Variants in BBS5 observed in about 807,000 individuals in gnomAD.
BBS5 encodes the protein Bardet-Biedl syndrome 5.
BBS5 carries 39 observed loss-of-function variants against 50.2 expected under a neutral mutation model. That is an observed-to-expected ratio of 0.78 (90% confidence interval 0.60 to 1.01). The LOEUF is 1.01. Ranked by LOEUF, BBS5 falls within the 50% of genes least tolerant of loss-of-function variation. The pLI is 0.00. For synonymous variants in BBS5, 134 were observed against 133.1 expected (o/e 1.01, Z -0.05); for missense variants, 356 against 401.5 (o/e 0.89, Z 0.97).
At position 169,488,096 on chromosome 2, in the gene BBS5, C is replaced by G; in HGVS notation, c.368C>G (p.Ser123Cys). The G allele has an allele frequency of 6.2e-7, 1 of 1,613,122 alleles. No homozygotes were observed. Among genetic ancestry groups the G allele is most frequent in the Non-Finnish European group, 8.5e-7 (1 of 1,179,332 alleles). ...LVPGSPRLFTSVMAVHRAYET... is the reference protein window; with the variant it reads ...LVPGSPRLFTCVMAVHRAYET... ...CCTGGAAGCCCTAGACTTTTTACTTCTGTGATGGCAGTACACAGGTATAGT... is the reference window on the plus strand; with the variant it reads ...CCTGGAAGCCCTAGACTTTTTACTTGTGTGATGGCAGTACACAGGTATAGT... Residue 123 changes from serine to cysteine, a missense_variant, in exon 5 of 12, where the codon TCT becomes TGT. By Grantham distance (112) the Ser-to-Cys change is moderately radical (BLOSUM62 -1). Transcript: ENST00000295240.
intron 5 of BBS5, among the ~76,000 whole-genome samples, chr2:169,490,529 C>A (rs987442518): frequency 5.9e-5 from 9 of 152,022 alleles, no homozygotes; most frequent in Admixed American, 5.9e-4. Flanking sequence ...AGCTAAATTT[C>A]TTAATTATAC....
At chr2:169,483,172 G>C (rs1683430596) in intron 2 of BBS5, among the ~76,000 whole-genome samples, 1 of 152,134 alleles carries the variant, frequency 6.6e-6, no homozygotes, top group African/African-American at 2.4e-5. Context: ...CTTATTAGCA[G>C]AACATGCTTA....
chr2:169,488,990 T>A (rs1020354701), intron 5 of BBS5, among the ~76,000 whole-genome samples: 16 of 152,196 alleles, frequency 1.1e-4, no homozygotes, highest in Non-Finnish European at 2.1e-4. Context: ...GGCCTTTTTT[T>A]ATTTATTTAT....
chr2:169,495,495 A>G (rs1488005703), intron 7 of BBS5, among the ~76,000 whole-genome samples: 1 of 151,970 alleles, frequency 6.6e-6, no homozygotes, highest in Admixed American at 6.6e-5. Context: ...TCACTGCGGC[A>G]GTCATAGTCT....
At chr2:169,482,750 C>A in intron 2 of BBS5, 1 of 227,038 alleles carries the variant, frequency 4.4e-6, no homozygotes, top group Non-Finnish European at 8.7e-6. Flanking sequence ...GTCACCTAGA[C>A]ATGGATATGC....
chr2:169,488,002 A>G lies in BBS5; in HGVS notation c.274A>G (p.Thr92Ala). 1 of 1,613,824 alleles carries G rather than the reference A, an allele frequency of 6.2e-7. No individual in the cohort carries two copies. The highest frequency in any genetic ancestry group is 8.5e-7 in the Non-Finnish European group (1 of 1,179,846). Residue 92 changes from threonine (T) to alanine (A), a missense_variant, in exon 5 of 12, where the codon ACT becomes GCT. By Grantham distance (58) the Thr-to-Ala change is moderately conservative. Transcript: ENST00000295240. The stretch of plus-strand genomic sequence containing the variant: ...GTCCTTACAGAAATTACGAGGCCAA[A>G]CTGAAGCTCTCTATATACTAACAAA... ...RTANSKLRGQ[T>A]EALYILTKCN...
rs1683865980 is a variant in BBS5 at position 169,504,522 on chromosome 2, T to G, written c.966T>G (p.Leu322=). The part of the protein sequence containing the change: ...REPVFSEELG[L]AIEKLKDGFT... ...CTGTATTTTCAGAAGAACTGGGGCT[T>G]GCAATAGAGAAATTGAAGGATGGAT... Residue 322 remains leucine (L), a synonymous_variant, in exon 12 of 12, where the codon CTT becomes CTG. Transcript: ENST00000295240. 1 of 1,614,080 alleles carries G rather than the reference T, an allele frequency of 6.2e-7. No individual in the cohort carries two copies. The highest frequency in any genetic ancestry group is 2.2e-5 in the East Asian group (1 of 44,858).
At chr2:169,479,676 G>T (rs1432839082) in intron 1 of BBS5, 64 bp downstream of exon 1, 1 of 1,580,830 alleles carries the variant, frequency 6.3e-7, no homozygotes, top group African/African-American at 1.3e-5. Context: ...GCGCGTTAGG[G>T]ACCCGCGGGC....
chr2:169,492,841 TTTGAG>T (rs1156297189), intron 5 of BBS5, 28 bp from the exon 6 acceptor site: 1 of 1,589,494 alleles, frequency 6.3e-7, no homozygotes, highest in Admixed American at 1.7e-5. Flanking sequence ...ACATTTTCAG[TTTGAG>T]TTGTCTTTTG....
chr2:169,499,707 A>C, intron 9 of BBS5, 87 bp downstream of exon 9: 1 of 1,355,528 alleles, frequency 7.4e-7, no homozygotes, highest in African/African-American at 1.4e-5. Context: ...GCACCATTTA[A>C]TTTTGAACTG....
intron 5 of BBS5, among the ~76,000 whole-genome samples, chr2:169,492,348 G>A (rs139197715): frequency 3.6e-4 from 54 of 152,050 alleles, no homozygotes; most frequent in South Asian, 1.0e-3. Context: ...AAACTAGCTG[G>A]GCATGGTGTC....
chr2:169,503,060 G>A, intron 9 of BBS5, 35 bp from the exon 10 acceptor site: 1 of 1,496,648 alleles, frequency 6.7e-7, no homozygotes, highest in South Asian at 1.1e-5. Context: ...ATTTAATATT[G>A]TCTCTGATGC....
intron 1 of BBS5, among the ~76,000 whole-genome samples, chr2:169,480,670 CTTTTTTTTTT>C (rs577688589): frequency 2.7e-5 from 2 of 73,168 alleles, no homozygotes; most frequent in Non-Finnish European, 4.8e-5. Flanking sequence ...TTCTGTCATT[CTTTTTTTTTT>C]TTTTTTTTTT....
chr2:169,494,974 C>A (rs756617242), intron 7 of BBS5, among the ~76,000 whole-genome samples: 1 of 152,106 alleles, frequency 6.6e-6, no homozygotes, highest in Non-Finnish European at 1.5e-5. Flanking sequence ...CTATTTTTGG[C>A]TAAATTGTTT....
At position 169,479,525 on chromosome 2, in the gene BBS5, G is replaced by A. The variant is rs1372889071; in HGVS notation, c.-29G>A. ...ACGCAGCTAGGCCTGCACGGCTGTG[G>A]AGAGATCCTGCCACGGGCCTTGTTC... is the stretch of plus-strand genomic sequence containing the variant. On this transcript the variant is annotated 5_prime_UTR_variant, in exon 1 of 12. Transcript: ENST00000295240. The A allele has an allele frequency of 1.9e-6, 3 of 1,613,798 alleles. No individual in the cohort carries two copies. The highest frequency in any genetic ancestry group is 1.3e-5 in the African/African-American group (1 of 74,946).
chr2:169,489,923 T>TG (rs1683562481), intron 5 of BBS5, among the ~76,000 whole-genome samples: 1 of 135,648 alleles, frequency 7.4e-6, no homozygotes, highest in African/African-American at 2.8e-5. Flanking sequence ...TTGCCCAGGC[T>TG]GGGGTGCAGC....
In BBS5 at chr2:169,503,132, A is replaced by G. The variant is rs1264735220; in HGVS notation, c.854A>G (p.Gln285Arg). The change falls in exon 10 of 12, where the codon CAA (glutamine) becomes CGA (arginine). Residue 285 changes from glutamine (Q) to arginine (R), a missense_variant. Transcript: ENST00000295240. ...GAAGCTCTGACAGTCGAACAAATTC[A>G]AGATGATGTAGAAATAGACTCTGAT... is the stretch of plus-strand genomic sequence containing the variant. ...PLEALTVEQI[Q>R]DDVEIDSDGH... The G allele has an allele frequency of 5.0e-6, 8 of 1,614,026 alleles. No individual in the cohort carries two copies. The highest frequency in any genetic ancestry group is 6.8e-6 in the Non-Finnish European group (8 of 1,179,934).
In BBS5 at chr2:169,503,043, A is replaced by G; in HGVS notation, c.817-52A>G. The G allele has an allele frequency of 5.3e-6, 7 of 1,315,796 alleles. No homozygotes were observed. In the East Asian group the frequency reaches 1.4e-4, roughly 26 times the overall value. The allele number at this position is 1,315,796 out of a possible 1,614,324, so 81.5% of individuals were successfully genotyped here. ...TATTTTAACAGTATTTGCAGTTCTC[A>G]TGGTACATTTAATATTGTCTCTGAT... On this transcript the variant is annotated intron_variant, in intron 9 of 11. Transcript: ENST00000295240.
intron 1 of BBS5, among the ~76,000 whole-genome samples, chr2:169,480,871 G>A (rs1412693905): frequency 6.6e-6 from 1 of 151,890 alleles, no homozygotes; most frequent in Non-Finnish European, 1.5e-5. Flanking sequence ...AGTAGAGACG[G>A]GGTTTCTCCA....
Sources: gnomAD v4.1 joint callset for allele counts (sites outside exome capture counted in the v4.1 genomes callset) on GRCh38, gnomAD v4.1.1 for gene constraint, MANE v1.5 for transcripts, NCBI Gene and HGNC (gene_info 2026-07-23, HGNC 2026-07-21) for gene names.